The following CTNND2 variants were observed in gnomAD, a reference collection of about 807,000 sequenced individuals.
The protein encoded by CTNND2 is catenin delta 2.
In CTNND2, 22 loss-of-function variants were observed where a neutral mutation model predicts 144.4. That is an observed-to-expected ratio of 0.15 (90% CI 0.11 to 0.22). The LOEUF (loss-of-function observed/expected upper bound fraction) is 0.22. Ranked by LOEUF, CTNND2 falls within the 10% of genes least tolerant of loss-of-function variation. The pLI, the probability that CTNND2 is intolerant of heterozygous loss-of-function variation, is 1.00. For missense variants in CTNND2, 1,353 were observed against 1,618.8 expected (o/e 0.84, Z 2.82); for synonymous variants, 751 against 695.6 (o/e 1.08, Z -1.25).
intron 2 of CTNND2, among the ~76,000 whole-genome samples, chr5:11,645,111 G>A (rs550007189): frequency 3.0e-4 from 46 of 152,050 alleles, no homozygotes; most frequent in Non-Finnish European, 4.6e-4. Context: ...GACTATAAGC[G>A]TGCACCACCA....
At chr5:11,340,115 C>A (rs981131971) in intron 9 of CTNND2, among the ~76,000 whole-genome samples, 1 of 152,140 alleles carries the variant, frequency 6.6e-6, no homozygotes, top group East Asian at 1.9e-4. Flanking sequence ...CATTTCCAGA[C>A]CTCTTTTCTT....
intron 3 of CTNND2, among the ~76,000 whole-genome samples, chr5:11,477,778 A>G (rs1029214647): frequency 1.3e-5 from 2 of 152,166 alleles, no homozygotes; most frequent in Non-Finnish European, 2.9e-5. Flanking sequence ...GGTTACAATA[A>G]TCTATGAGGG....
intron 1 of CTNND2, among the ~76,000 whole-genome samples, chr5:11,880,639 C>A (rs1735993615): frequency 7.2e-6 from 1 of 139,356 alleles, no homozygotes; most frequent in Admixed American, 7.2e-5. Flanking sequence ...AGTACTACTA[C>A]TACTACCACT....
chr5:11,606,675 G>A (rs988849441), intron 2 of CTNND2, among the ~76,000 whole-genome samples: 7 of 152,164 alleles, frequency 4.6e-5, no homozygotes, highest in African/African-American at 1.7e-4. Context: ...GGAGGCATCA[G>A]TCAGCTTTAT....
intron 18 of CTNND2, among the ~76,000 whole-genome samples, chr5:10,993,990 G>A (rs971178182): frequency 5.3e-5 from 8 of 151,670 alleles, no homozygotes; most frequent in Middle Eastern, 6.8e-3. Flanking sequence ...CAGGGGCTGG[G>A]ACAGTGCCTG....
At chr5:11,820,290 C>T (rs548962588) in intron 1 of CTNND2, among the ~76,000 whole-genome samples, 1 of 152,260 alleles carries the variant, frequency 6.6e-6, no homozygotes, top group South Asian at 2.1e-4. Flanking sequence ...ACTTGAGATC[C>T]AAGGCTGCCT....
chr5:11,256,094 C>A (rs1197073481), intron 9 of CTNND2, among the ~76,000 whole-genome samples: 1 of 152,196 alleles, frequency 6.6e-6, no homozygotes. Context: ...TGTGCTCAGG[C>A]CGAACTGTCT....
chr5:11,821,589 TG>T (rs901290776), intron 1 of CTNND2, among the ~76,000 whole-genome samples: 1 of 152,198 alleles, frequency 6.6e-6, no homozygotes, highest in Non-Finnish European at 1.5e-5. Context: ...AATGACCTGT[TG>T]GTTGACCCCT....
chr5:11,824,686 G>A (rs746628918), intron 1 of CTNND2, among the ~76,000 whole-genome samples: 1 of 152,172 alleles, frequency 6.6e-6, no homozygotes. Flanking sequence ...AAGAGGATAG[G>A]TTCTGTAAAA....
chr5:11,250,483 C>A (rs923922950), intron 9 of CTNND2, among the ~76,000 whole-genome samples: 660 of 65,202 alleles, frequency 0.01, 4 homozygotes, highest in African/African-American at 0.032. Flanking sequence ...CTCTCTCTCT[C>A]TCTCTCTCTA....
chr5:11,691,332 A>G (rs1784900530), intron 2 of CTNND2, among the ~76,000 whole-genome samples: 2 of 152,082 alleles, frequency 1.3e-5, no homozygotes, highest in South Asian at 4.2e-4. Flanking sequence ...AGATTGCGCC[A>G]CTTCACTCCA....
chr5:11,545,208 G>C (rs1775124993), intron 3 of CTNND2, among the ~76,000 whole-genome samples: 1 of 151,248 alleles, frequency 6.6e-6, no homozygotes, highest in Non-Finnish European at 1.5e-5. Flanking sequence ...TGTAATCCCA[G>C]CTACTAGGAG....
rs28674865 is a variant in CTNND2 at position 11,603,074 on chromosome 5, G to T, written c.175-38018C>A. 6.7e-3 allele frequency among the ~76,000 whole-genome samples: 1,012 copies of T among 152,126 alleles called. 15 individuals carry two copies. The highest frequency in any genetic ancestry group is 0.023 in the African/African-American group (951 of 41,520). ...ATTATTCTCTAACCTATTAGAAAGAGGCATTTAGGAGAGGGTACTTCACAA... is the reference window on the plus strand; with the variant it reads ...ATTATTCTCTAACCTATTAGAAAGATGCATTTAGGAGAGGGTACTTCACAA... On this transcript the variant is annotated intron_variant, in intron 2 of 21. Coordinates refer to ENST00000304623, the MANE Select transcript of CTNND2 (RefSeq NM_001332.4).
At chr5:11,432,850 T>C (rs777360582) in intron 3 of CTNND2, among the ~76,000 whole-genome samples, 22 of 152,298 alleles carry the variant, frequency 1.4e-4, no homozygotes, top group Non-Finnish European at 2.9e-4. Flanking sequence ...TAATGGAATT[T>C]TATAGGGGAA....
At chr5:11,097,355 G>T (rs1013743957) in intron 15 of CTNND2, among the ~76,000 whole-genome samples, 5 of 152,162 alleles carry the variant, frequency 3.3e-5, no homozygotes. Context: ...CCAATCTCTG[G>T]TTGCAAGCAA....
intron 1 of CTNND2, among the ~76,000 whole-genome samples, chr5:11,803,936 T>C (rs931797683): frequency 1.3e-5 from 2 of 152,164 alleles, no homozygotes; most frequent in East Asian, 1.9e-4. Context: ...TCCATTTTTT[T>C]AAACTCATTT....
At chr5:11,108,509 G>A (rs959505341) in intron 14 of CTNND2, among the ~76,000 whole-genome samples, 2 of 152,162 alleles carry the variant, frequency 1.3e-5, no homozygotes, top group Admixed American at 6.5e-5. Flanking sequence ...GCACTCAGTT[G>A]TGAAACAAAG....
chr5:11,558,846 T>C (rs1004005692), intron 3 of CTNND2, among the ~76,000 whole-genome samples: 1 of 152,184 alleles, frequency 6.6e-6, no homozygotes, highest in African/African-American at 2.4e-5. Context: ...CTAAGCCTGT[T>C]TCCTCATCTA....
At chr5:11,837,548 C>T (rs1561846346) in intron 1 of CTNND2, among the ~76,000 whole-genome samples, 1 of 152,184 alleles carries the variant, frequency 6.6e-6, no homozygotes, top group African/African-American at 2.4e-5. Flanking sequence ...CGTAGCTGGA[C>T]AATCACACCA....
Sources: allele counts gnomAD v4.1 joint callset (sites outside exome capture counted in the v4.1 genomes callset), GRCh38; gene constraint gnomAD v4.1.1; transcripts MANE v1.5; gene names NCBI Gene and HGNC (gene_info 2026-07-23, HGNC 2026-07-21).